TMEM182: variants seen among roughly 807,000 people sequenced by gnomAD.
The protein encoded by TMEM182 is transmembrane protein 182.
In TMEM182, 20 loss-of-function variants were observed where a neutral mutation model predicts 26.8. That is an observed-to-expected ratio of 0.75 (90% CI 0.53 to 1.09). TMEM182 has a LOEUF of 1.09. Among genes scored for constraint, TMEM182 ranks in the 50% least tolerant of loss-of-function variants. The pLI is 0.00. For synonymous variants in TMEM182, 109 were observed against 102.2 expected, an observed-to-expected ratio of 1.07 and a Z score of -0.40; for missense variants, 277 against 275.5, an observed-to-expected ratio of 1.01 and a Z score of -0.04.
At chr2:102,788,630 A>C (rs1486694683) in intron 3 of TMEM182, among the ~76,000 whole-genome samples, 2 of 152,018 alleles carry the variant, frequency 1.3e-5, no homozygotes, top group African/African-American at 2.4e-5. Context: ...GCTCCTTAGA[A>C]GGAGCAAGTG....
At chr2:102,828,066 G>A (rs1271834787) in intron 3 of TMEM182, among the ~76,000 whole-genome samples, 1 of 152,102 alleles carries the variant, frequency 6.6e-6, no homozygotes, top group East Asian at 1.9e-4. Flanking sequence ...ACTCCAGCCT[G>A]GGCAACAGAG....
At chr2:102,742,957 A>T (rs572942087) in intron 1 of TMEM182, among the ~76,000 whole-genome samples, 2 of 152,296 alleles carry the variant, frequency 1.3e-5, no homozygotes, top group Middle Eastern at 3.4e-3. Flanking sequence ...GATAGATCAG[A>T]AACTTGAAAC....
At chr2:102,807,295 AATC>A (rs1421319930) in intron 4 of TMEM182, among the ~76,000 whole-genome samples, 8 of 152,184 alleles carry the variant, frequency 5.3e-5, no homozygotes, top group African/African-American at 1.9e-4. Flanking sequence ...AGAAAAGTGT[AATC>A]ATGATATTGT....
chr2:102,762,373 G>C, intron 1 of TMEM182, 24 bp downstream of exon 1: 2 of 1,613,568 alleles, frequency 1.2e-6, no homozygotes, highest in South Asian at 2.2e-5. Context: ...TCAAAATAGT[G>C]ATGCACATGG....
chr2:102,800,083 G>T (rs1682053795), intron 4 of TMEM182, among the ~76,000 whole-genome samples: 1 of 151,768 alleles, frequency 6.6e-6, no homozygotes, highest in Admixed American at 6.6e-5. Flanking sequence ...TCTTTTATTT[G>T]AACTGTTTTC....
chr2:102,779,980 G>T (rs777570785), intron 3 of TMEM182, among the ~76,000 whole-genome samples: 1 of 152,118 alleles, frequency 6.6e-6, no homozygotes, highest in East Asian at 1.9e-4. Context: ...TGCAGCCTGG[G>T]CAATAAGAGT....
chr2:102,801,254 G>A (rs1371463967), intron 4 of TMEM182, among the ~76,000 whole-genome samples: 1 of 152,144 alleles, frequency 6.6e-6, no homozygotes, highest in Non-Finnish European at 1.5e-5. Context: ...CAGGAATCAG[G>A]AGGACCAGAG....
Position 102,762,149 on chromosome 2 carries a change from C to A in TMEM182, c.-69C>A. The A allele has an allele frequency of 1.2e-4, 102 of 879,062 alleles. No individual in the cohort carries two copies. Among genetic ancestry groups the A allele is most frequent in the Middle Eastern group, 2.9e-4 (1 of 3,486 alleles). The allele number at this position is 879,062 out of a possible 1,614,324, so 54.5% of individuals were successfully genotyped here. ...TTTTTTTTTTTTTTTGCTGTTGTTT[C>A]TGAGAAACTAGGTGTCTTACCATTT... On this transcript the variant is annotated 5_prime_UTR_variant, in exon 1 of 5. In the 5' UTR this introduces an upstream ATG that the reference lacks. Coordinates refer to ENST00000412401, the MANE Select transcript of TMEM182 (RefSeq NM_144632.5).
chr2:102,742,736 A>T (rs776868377), intron 1 of TMEM182, among the ~76,000 whole-genome samples: 3 of 152,236 alleles, frequency 2.0e-5, no homozygotes, highest in Non-Finnish European at 2.9e-5. Flanking sequence ...TTTTTTCATC[A>T]GCAAACATAC....
At chr2:102,784,624 GAATA>G (rs1448725478) in intron 3 of TMEM182, among the ~76,000 whole-genome samples, 1 of 152,166 alleles carries the variant, frequency 6.6e-6, no homozygotes, top group African/African-American at 2.4e-5. Context: ...GAAAGTTGAG[GAATA>G]AAAGAATGGC....
At chr2:102,797,186 G>C (rs765807949) in intron 3 of TMEM182, among the ~76,000 whole-genome samples, 4 of 152,248 alleles carry the variant, frequency 2.6e-5, no homozygotes, top group Non-Finnish European at 4.4e-5. Context: ...TTGAATCTAA[G>C]TGAAAATATT....
intron 4 of TMEM182, among the ~76,000 whole-genome samples, chr2:102,802,107 G>A (rs1014036852): frequency 4.6e-5 from 7 of 152,134 alleles, no homozygotes; most frequent in South Asian, 2.1e-4. Flanking sequence ...CTGCTTTATC[G>A]ATGCCACAAA....
chr2:102,817,593 T>A lies in TMEM182; in HGVS notation c.*2625T>A, dbSNP rs1682799261. ...GTAATATCAAGTGTGTTGTTAGTAT[T>A]CATTTAGTCATTTTTATTACTAATC... On this transcript the variant is annotated 3_prime_UTR_variant, in exon 5 of 5. Transcript: ENST00000412401. 20 of 984,340 alleles carry A rather than the reference T, an allele frequency of 2.0e-5. No individual in the cohort carries two copies. Among genetic ancestry groups the A allele is most frequent in the Non-Finnish European group, 2.4e-5 (20 of 829,046 alleles). The allele number at this position is 984,340 out of a possible 1,614,324, so 61.0% of individuals were successfully genotyped here.
At chr2:102,783,440 T>G (rs961153916) in intron 3 of TMEM182, among the ~76,000 whole-genome samples, 20 of 152,112 alleles carry the variant, frequency 1.3e-4, no homozygotes, top group African/African-American at 4.8e-4. Context: ...AACAAAAAAC[T>G]AAGGGGGTTG....
intron 4 of TMEM182, among the ~76,000 whole-genome samples, chr2:102,804,685 T>C (rs1238288538): frequency 1.3e-5 from 2 of 152,160 alleles, no homozygotes; most frequent in African/African-American, 4.8e-5. Flanking sequence ...ACCGAATATT[T>C]TACCTGAGTT....
chr2:102,760,401 G>A (rs889246646), upstream of TMEM182, among the ~76,000 whole-genome samples: 2 of 152,142 alleles, frequency 1.3e-5, no homozygotes, highest in African/African-American at 4.8e-5. Context: ...GCAGCTTTTG[G>A]CAGAAAATCA....
chr2:102,777,566 T>C (rs1443762616), intron 3 of TMEM182, among the ~76,000 whole-genome samples: 1 of 152,114 alleles, frequency 6.6e-6, no homozygotes, highest in African/African-American at 2.4e-5. Flanking sequence ...AGGTGGATTG[T>C]GTCAGTCTTC....
upstream of TMEM182, among the ~76,000 whole-genome samples, chr2:102,761,270 A>G (rs750143559): frequency 1.1e-4 from 17 of 152,298 alleles, no homozygotes; most frequent in Non-Finnish European, 2.2e-4. Flanking sequence ...TGTGAGTATT[A>G]AGTATGATTC....
At chr2:102,761,842 C>G (rs549791146), upstream of TMEM182, 23 of 197,426 alleles carry the variant, frequency 1.2e-4, no homozygotes, top group Middle Eastern at 7.2e-3. Flanking sequence ...CTTTCTACTT[C>G]TGTGGATTAC....
Sources: gnomAD v4.1 joint callset for allele counts (sites outside exome capture counted in the v4.1 genomes callset) on GRCh38, gnomAD v4.1.1 for gene constraint, MANE v1.5 for transcripts, NCBI Gene and HGNC (gene_info 2026-07-23, HGNC 2026-07-21) for gene names.